NDUFS4: variants seen among roughly 807,000 people sequenced by gnomAD.
NDUFS4 encodes the protein NADH:ubiquinone oxidoreductase subunit S4, also known as NADH dehydrogenase [ubiquinone] iron-sulfur protein 4, mitochondrial.
NDUFS4 carries 28 observed loss-of-function variants against 24.3 expected under a neutral mutation model. The observed-to-expected ratio is 1.15, with a 90% CI of 0.85 to 1.58. The LOEUF is 1.58. NDUFS4 is among the 40% of genes most tolerant of loss of function. The probability of loss-of-function intolerance (pLI) is 0.00; values close to 1 mark genes in which losing one functional copy is unlikely to be tolerated. For missense variants in NDUFS4, 223 were observed against 207.9 expected, an observed-to-expected ratio of 1.07 and a Z score of -0.45; for synonymous variants, 93 against 69.7, an observed-to-expected ratio of 1.34 and a Z score of -1.67.
intron 2 of NDUFS4, among the ~76,000 whole-genome samples, chr5:53,605,437 G>A (rs1259680411): frequency 1.3e-5 from 2 of 152,150 alleles, no homozygotes; most frequent in African/African-American, 2.4e-5. Context: ...TGAAGAATGA[G>A]TGAGTCAGCC....
chr5:53,610,550 A>G (rs1750662625), intron 2 of NDUFS4, among the ~76,000 whole-genome samples: 1 of 150,474 alleles, frequency 6.6e-6, no homozygotes, highest in Non-Finnish European at 1.5e-5. Flanking sequence ...ATAAAAAAAC[A>G]AAAAAAAAGA....
At chr5:53,665,894 A>C (rs909291504) in intron 4 of NDUFS4, among the ~76,000 whole-genome samples, 3 of 152,186 alleles carry the variant, frequency 2.0e-5, no homozygotes, top group Admixed American at 2.0e-4. Context: ...GGAAATGCAG[A>C]AATCACCCGT....
Position 53,611,192 on chromosome 5 carries a change from AG to A in NDUFS4, c.177+7663del, listed in dbSNP as rs1189618738. On this transcript the variant is annotated intron_variant, in intron 2 of 4. Coordinates refer to ENST00000296684, the MANE Select transcript of NDUFS4 (RefSeq NM_002495.4). ...GATGTCAGTGCTAATACAAGTACAA[AG>A]AAAAACTTGTGGTTTTTTTTTTTTT... is the stretch of plus-strand genomic sequence containing the variant. Among the ~76,000 whole-genome samples, 3 of 151,898 alleles carry A rather than the reference AG, an allele frequency of 2.0e-5. No homozygotes were observed. In the East Asian group the frequency reaches 5.8e-4, roughly 29 times the overall value.
intron 3 of NDUFS4, among the ~76,000 whole-genome samples, chr5:53,657,552 A>G (rs764196398): frequency 9.9e-5 from 15 of 152,122 alleles, no homozygotes; most frequent in African/African-American, 1.9e-4. Flanking sequence ...TTTCTAAGCA[A>G]TGTTTCATAG....
chr5:53,584,515 T>A (rs1434199850), intron 1 of NDUFS4, among the ~76,000 whole-genome samples: 1 of 151,770 alleles, frequency 6.6e-6, no homozygotes, highest in African/African-American at 2.4e-5. Context: ...AATTTTTGTA[T>A]TTTTAGTAGA....
intron 3 of NDUFS4, among the ~76,000 whole-genome samples, chr5:53,650,993 A>C (rs916685775): frequency 1.3e-5 from 2 of 152,218 alleles, no homozygotes; most frequent in African/African-American, 4.8e-5. Context: ...AAAATGAGAT[A>C]TACTATATGT....
chr5:53,675,448 C>T (rs2111589343), intron 4 of NDUFS4, among the ~76,000 whole-genome samples: 1 of 152,276 alleles, frequency 6.6e-6, no homozygotes, highest in South Asian at 2.1e-4. Context: ...AGGCGTGAGC[C>T]ACCACGCCAG....
intron 2 of NDUFS4, among the ~76,000 whole-genome samples, chr5:53,619,136 A>T (rs1750946724): frequency 6.7e-6 from 1 of 148,404 alleles, no homozygotes; most frequent in African/African-American, 2.5e-5. Context: ...TAATAATAAT[A>T]ATAATTACTG....
At chr5:53,624,486 CACTT>C (rs1188927821) in intron 2 of NDUFS4, among the ~76,000 whole-genome samples, 1 of 152,140 alleles carries the variant, frequency 6.6e-6, no homozygotes, top group Non-Finnish European at 1.5e-5. Context: ...GATGTCTTCC[CACTT>C]ACTTATGTCT....
At chr5:53,682,044 C>T (rs1740683696) in intron 4 of NDUFS4, among the ~76,000 whole-genome samples, 1 of 152,012 alleles carries the variant, frequency 6.6e-6, no homozygotes, top group East Asian at 1.9e-4. Context: ...CTGCATGATA[C>T]AGCCATGAAT....
chr5:53,654,984 A>T (rs1471052835), intron 3 of NDUFS4, among the ~76,000 whole-genome samples: 2 of 152,212 alleles, frequency 1.3e-5, no homozygotes, highest in Non-Finnish European at 2.9e-5. Flanking sequence ...CCAATGTTGG[A>T]CATTATAATT....
intron 1 of NDUFS4, among the ~76,000 whole-genome samples, chr5:53,594,155 CAAT>C (rs1486094433): frequency 6.6e-6 from 1 of 152,102 alleles, no homozygotes. Context: ...AAGTGTCCCA[CAAT>C]AATAATGCAT....
intron 2 of NDUFS4, among the ~76,000 whole-genome samples, chr5:53,623,007 T>C (rs180765553): frequency 2.2e-4 from 33 of 152,326 alleles, no homozygotes; most frequent in African/African-American, 6.7e-4. Flanking sequence ...TATCACACTT[T>C]GTTTATCCAT....
At chr5:53,630,688 G>A (rs1426547046) in intron 2 of NDUFS4, among the ~76,000 whole-genome samples, 1 of 152,004 alleles carries the variant, frequency 6.6e-6, no homozygotes, top group Non-Finnish European at 1.5e-5. Context: ...TGAAGCTTGT[G>A]TATGCTTCAC....
chr5:53,616,853 G>T (rs918816971), intron 2 of NDUFS4, among the ~76,000 whole-genome samples: 1 of 152,152 alleles, frequency 6.6e-6, no homozygotes, highest in African/African-American at 2.4e-5. Flanking sequence ...GAAATGGTTA[G>T]TTTGCTGCCA....
chr5:53,581,571 G>A (rs947116668), intron 1 of NDUFS4, among the ~76,000 whole-genome samples: 5 of 152,034 alleles, frequency 3.3e-5, no homozygotes, highest in Non-Finnish European at 5.9e-5. Context: ...GGCTCTGTCT[G>A]CCTAGACTAT....
At chr5:53,578,159 A>G (rs1749445520) in intron 1 of NDUFS4, among the ~76,000 whole-genome samples, 1 of 152,220 alleles carries the variant, frequency 6.6e-6, no homozygotes, top group Non-Finnish European at 1.5e-5. Flanking sequence ...AGTTTATTTA[A>G]CAAATTTTAG....
intron 3 of NDUFS4, among the ~76,000 whole-genome samples, chr5:53,649,818 T>C (rs10051889): frequency 0.033 from 5,028 of 152,268 alleles, 297 homozygotes; most frequent in African/African-American, 0.11. Flanking sequence ...CATTTCCTTT[T>C]CTCTGCATCC....
intron 4 of NDUFS4, among the ~76,000 whole-genome samples, chr5:53,677,392 T>C (rs1343290215): frequency 6.6e-6 from 1 of 152,138 alleles, no homozygotes; most frequent in Non-Finnish European, 1.5e-5. Flanking sequence ...TAAATCACTT[T>C]ATATAAATTT....
Sources: gnomAD v4.1 joint callset for allele counts (sites outside exome capture counted in the v4.1 genomes callset) on GRCh38, gnomAD v4.1.1 for gene constraint, MANE v1.5 for transcripts, NCBI Gene and HGNC (gene_info 2026-07-23, HGNC 2026-07-21) for gene names.